The following SUPT20H variants were observed in gnomAD, a reference collection of about 807,000 sequenced individuals.
SUPT20H encodes the protein SPT20 homolog, SAGA complex component, also known as transcription factor SPT20 homolog.
A neutral mutation model predicts 122.8 loss-of-function variants in SUPT20H; 82 were observed. The observed-to-expected ratio is 0.67, with a 90% CI of 0.56 to 0.80. SUPT20H has a LOEUF of 0.80. Ranked by LOEUF, SUPT20H falls within the 30% of genes least tolerant of loss-of-function variation. The pLI, the probability that SUPT20H is intolerant of heterozygous loss-of-function variation, is 0.00. For synonymous variants in SUPT20H, 291 were observed against 313.0 expected, an observed-to-expected ratio of 0.93 and a Z score of 0.74; for missense variants, 831 against 921.6, an observed-to-expected ratio of 0.90 and a Z score of 1.27.
intron 15 of SUPT20H, 55 bp downstream of exon 15, chr13:37,026,735 A>G (rs1760540105): frequency 6.8e-6 from 7 of 1,035,186 alleles, no homozygotes; most frequent in Non-Finnish European, 8.2e-6. Context: ...CTTTTTAAAG[A>G]GTTTGATATT....
intron 1 of SUPT20H, among the ~76,000 whole-genome samples, chr13:37,054,650 A>C (rs531537467): frequency 1.3e-5 from 2 of 152,328 alleles, no homozygotes; most frequent in African/African-American, 4.8e-5. Flanking sequence ...ACAAACCCAC[A>C]GCCAATATCA....
chr13:37,022,974 A>G lies in SUPT20H; in HGVS notation c.1592-894T>C. On this transcript the variant is annotated intron_variant, in intron 19 of 25. Coordinates refer to ENST00000350612, the MANE Select transcript of SUPT20H (RefSeq NM_001014286.3). The surrounding 1 kb of genome is among the most constrained non-coding windows in gnomAD (Gnocchi z 4.5). ...AGTTTATCAATTTTTTAAAAAACAA[A>G]AACAAAAAACAAAAACCAAAAAAGT... is the stretch of plus-strand genomic sequence containing the variant. 8.0e-7 allele frequency: 1 copy of G among 1,254,424 alleles called. No homozygotes were observed. Among genetic ancestry groups the G allele is most frequent in the Non-Finnish European group, 1.0e-6 (1 of 974,206 alleles). 77.7% of individuals were successfully genotyped at this position (1,254,424 alleles called of 1,614,324 possible).
Position 37,024,395 on chromosome 13 carries a change from T to C in SUPT20H, c.1377A>G (p.Val459=), listed in dbSNP as rs144787016. 1.3e-6 allele frequency: 2 copies of C among 1,593,960 alleles called. No individual in the cohort carries two copies. The highest frequency in any genetic ancestry group is 1.7e-6 in the Non-Finnish European group (2 of 1,172,744). ...SVQSSVLGKG[V]KHRPPPIKLP... is the part of the protein sequence containing the mutation. ...GTTTGATTGGTGGGGGTCGATGTTTTACACCCTTCCCCAATACCGAAGACT... is the reference window on the plus strand; with the variant it reads ...GTTTGATTGGTGGGGGTCGATGTTTCACACCCTTCCCCAATACCGAAGACT... The change falls in exon 18 of 26, where the codon GTA becomes GTG. Residue 459 remains valine (V), a synonymous_variant. Transcript: ENST00000350612.
intron 10 of SUPT20H, 71 bp from the exon 11 acceptor site, chr13:37,031,966 A>G: frequency 5.8e-6 from 8 of 1,373,410 alleles, no homozygotes; most frequent in Non-Finnish European, 7.9e-6. Flanking sequence ...AGTTGAAACT[A>G]GTCAGTGCTG....
chr13:37,022,752 T>A lies in SUPT20H; in HGVS notation c.1592-672A>T. The A allele has an allele frequency of 1.0e-6, 1 of 1,000,952 alleles. No homozygotes were observed. The highest frequency in any genetic ancestry group is 1.2e-6 in the Non-Finnish European group (1 of 836,558). 62.0% of individuals were successfully genotyped at this position (1,000,952 alleles called of 1,614,324 possible). A position where few individuals can be genotyped will look rare whatever the true frequency, so the allele number is the denominator to read the frequency against. On this transcript the variant is annotated intron_variant, in intron 19 of 25. Coordinates refer to ENST00000350612, the MANE Select transcript of SUPT20H (RefSeq NM_001014286.3). The surrounding 1 kb of genome is among the most constrained non-coding windows in gnomAD (Gnocchi z 4.5). ...CTGTAAACATATTTAATAAGTTACA[T>A]ATGGTTAACAATCATATTTGGCACC...
In SUPT20H at chr13:37,032,829, G is replaced by T. The variant is rs141867749; in HGVS notation, c.707+620C>A. Among the ~76,000 whole-genome samples, 9 of 152,278 alleles carry T rather than the reference G, an allele frequency of 5.9e-5. 1 individual carries two copies. In the East Asian group the frequency reaches 1.7e-3, roughly 29 times the overall value. Reference sequence around the variant, plus strand: ...GGGACATTTTTAAAAGATGCCGAGGGAGGAATAAGCTTGGTTTGTTTCAAA... The same window carrying T: ...GGGACATTTTTAAAAGATGCCGAGGTAGGAATAAGCTTGGTTTGTTTCAAA... On this transcript the variant is annotated intron_variant, in intron 10 of 25. Coordinates refer to ENST00000350612, the MANE Select transcript of SUPT20H (RefSeq NM_001014286.3).
chr13:37,056,272 C>G (rs1452271781), intron 1 of SUPT20H, among the ~76,000 whole-genome samples: 2 of 152,140 alleles, frequency 1.3e-5, no homozygotes, highest in Non-Finnish European at 2.9e-5. Flanking sequence ...TGGGTATATA[C>G]CCAAAGGATT....
At position 37,026,209 on chromosome 13, in the gene SUPT20H, A is replaced by G; in HGVS notation, c.1206T>C (p.Ala402=). Residue 402 remains alanine (A), a synonymous_variant, in exon 16 of 26, where the codon GCT becomes GCC. Coordinates refer to ENST00000350612, the MANE Select transcript of SUPT20H (RefSeq NM_001014286.3). ...NWFIIGSKTD[A]ERVVNQYQEL... is the part of the protein sequence containing the mutation. ...AGAGATGCAAATATTTTTACCTCTC[A>G]GCATCGGTCTTTGATCCAATAATGA... 6.4e-7 allele frequency: 1 copy of G among 1,551,116 alleles called. No homozygotes were observed. The highest frequency in any genetic ancestry group is 8.6e-7 in the Non-Finnish European group (1 of 1,158,238).
chr13:37,023,187 AT>A, intron 19 of SUPT20H: 1 of 831,736 alleles, frequency 1.2e-6, no homozygotes. Flanking sequence ...AAATTTATAT[AT>A]TTTTCTTTGT....
intron 21 of SUPT20H, among the ~76,000 whole-genome samples, chr13:37,019,804 T>A (rs896551303): frequency 5.9e-5 from 9 of 152,206 alleles, no homozygotes; most frequent in African/African-American, 2.2e-4. Flanking sequence ...ATCATATCTC[T>A]AAGAACCGGT....
intron 16 of SUPT20H, chr13:37,025,964 T>TCA (rs1396005892): frequency 5.4e-6 from 2 of 368,682 alleles, no homozygotes; most frequent in East Asian, 8.4e-5. Context: ...GTTTGGTGTA[T>TCA]CACAAGCTTA....
chr13:37,040,784 T>A, intron 7 of SUPT20H, 92 bp from the exon 8 acceptor site: 1 of 967,818 alleles, frequency 1.0e-6, no homozygotes, highest in Non-Finnish European at 1.6e-6. Flanking sequence ...TTTACATTCA[T>A]GCAACATTTC....
intron 25 of SUPT20H, 46 bp from the exon 26 acceptor site, chr13:37,009,855 G>A: frequency 6.4e-7 from 1 of 1,569,350 alleles, no homozygotes; most frequent in Non-Finnish European, 8.6e-7. Flanking sequence ...AATGCAGGCA[G>A]GTGTAGAAAG....
At chr13:37,058,721 CTG>C (rs1656056741) in intron 1 of SUPT20H, among the ~76,000 whole-genome samples, 1 of 152,152 alleles carries the variant, frequency 6.6e-6, no homozygotes, top group South Asian at 2.1e-4. Context: ...ATTCAGAACT[CTG>C]TGTCCAATCT....
intron 6 of SUPT20H, 39 bp downstream of exon 6, chr13:37,045,207 CA>C: frequency 6.2e-7 from 1 of 1,606,596 alleles, no homozygotes; most frequent in South Asian, 1.1e-5. Flanking sequence ...TCCTGCCTAG[CA>C]AAAGTATTTT....
chr13:37,046,864 A>T (rs907796774), intron 5 of SUPT20H: 5 of 152,182 alleles, frequency 3.3e-5, no homozygotes, highest in South Asian at 2.1e-4. Flanking sequence ...TCCTAATGTA[A>T]AGATTTTAAA....
intron 7 of SUPT20H, among the ~76,000 whole-genome samples, chr13:37,042,355 G>A (rs549061707): frequency 1.3e-5 from 2 of 152,190 alleles, no homozygotes; most frequent in African/African-American, 2.4e-5. Flanking sequence ...GCCATGGTGA[G>A]GCATATAAGC....
At chr13:37,029,639 G>T in intron 13 of SUPT20H, 126 bp downstream of exon 13, 1 of 711,780 alleles carries the variant, frequency 1.4e-6, no homozygotes, top group Non-Finnish European at 2.3e-6. Flanking sequence ...AACTGAACTC[G>T]CAGAAACTAA....
chr13:37,054,137 A>G (rs2068383133), intron 1 of SUPT20H, among the ~76,000 whole-genome samples: 1 of 152,198 alleles, frequency 6.6e-6, no homozygotes, highest in South Asian at 2.1e-4. Context: ...TAGCTTACCA[A>G]CCAAAAAAAG....
Sources: gnomAD v4.1 joint callset for allele counts (sites outside exome capture counted in the v4.1 genomes callset) on GRCh38, gnomAD v4.1.1 for gene constraint, Gnocchi (gnomAD v3.1) non-coding constraint, MANE v1.5 for transcripts, NCBI Gene and HGNC (gene_info 2026-07-23, HGNC 2026-07-21) for gene names.